Variants in USH2A observed in about 807,000 individuals in gnomAD.
The protein encoded by USH2A is Usher syndrome 2A (autosomal recessive, mild).
In USH2A, 443 loss-of-function variants were observed where a neutral mutation model predicts 538.9. The ratio of observed to expected loss-of-function variants is 0.82; its 90% confidence interval spans 0.76 to 0.89. The LOEUF (loss-of-function observed/expected upper bound fraction) is 0.89. Among genes scored for constraint, USH2A ranks in the 40% least tolerant of loss-of-function variants. USH2A has a pLI of 0.00. For synonymous variants in USH2A, 2,413 were observed against 2,273.5 expected (o/e 1.06, Z -1.75); for missense variants, 6,633 against 6,324.8 (o/e 1.05, Z -1.65).
At chr1:216,095,585 C>T (rs74143944) in intron 22 of USH2A, among the ~76,000 whole-genome samples, 6,631 of 152,128 alleles carry the variant, frequency 0.044, 478 homozygotes, top group African/African-American at 0.15. Context: ...TACTAGGGGA[C>T]GCTCAGAAAT....
At chr1:215,691,964 C>T (rs1658628047) in intron 61 of USH2A, among the ~76,000 whole-genome samples, 1 of 152,114 alleles carries the variant, frequency 6.6e-6, no homozygotes, top group Admixed American at 6.6e-5. Context: ...CAGGATGAGG[C>T]TGACTTGGAC....
intron 44 of USH2A, among the ~76,000 whole-genome samples, chr1:215,863,872 C>G (rs1664396240): frequency 6.6e-6 from 1 of 151,986 alleles, no homozygotes; most frequent in African/African-American, 2.4e-5. Flanking sequence ...AAGGAGAGAG[C>G]AAGACCAGGA....
rs1571973049 is a variant in USH2A at position 216,115,185 on chromosome 1, G to A, written c.4628-17972C>T. Among the ~76,000 whole-genome samples the A allele has an allele frequency of 3.3e-5, 5 of 152,124 alleles. No homozygotes were observed. In the South Asian group the frequency reaches 1.0e-3, roughly 31 times the overall value. ...TCTTTCTCTGTTGTAAGGCTTGAGT[G>A]TAGTGGCGTGATCATAGCTCACTGC... On this transcript the variant is annotated intron_variant, in intron 21 of 71. Coordinates refer to ENST00000307340, the MANE Select transcript of USH2A (RefSeq NM_206933.4).
intron 58 of USH2A, among the ~76,000 whole-genome samples, chr1:215,757,037 T>C (rs529834473): frequency 6.6e-6 from 1 of 152,306 alleles, no homozygotes; most frequent in South Asian, 2.1e-4. Context: ...GCAGAAGATA[T>C]GTCTTTTCCT....
intron 49 of USH2A, among the ~76,000 whole-genome samples, chr1:215,804,345 G>C (rs943377117): frequency 6.6e-6 from 1 of 151,998 alleles, no homozygotes; most frequent in Non-Finnish European, 1.5e-5. Context: ...GAGTGAACAG[G>C]CAACCTACAG....
At chr1:216,001,428 G>A (rs1273138352) in intron 32 of USH2A, among the ~76,000 whole-genome samples, 1 of 152,030 alleles carries the variant, frequency 6.6e-6, no homozygotes, top group Non-Finnish European at 1.5e-5. Context: ...TATATTGTCT[G>A]TCTTTCTAAT....
Position 216,325,430 on chromosome 1 carries a change from G to A in USH2A, c.1018C>T (p.His340Tyr), listed in dbSNP as rs753579610. 12 of 1,613,904 alleles carry A rather than the reference G, an allele frequency of 7.4e-6. No individual in the cohort carries two copies. The change falls in exon 6 of 72, where the codon CAT becomes TAT. Residue 340 changes from histidine to tyrosine, a missense_variant. By Grantham distance (83) the His-to-Tyr change is moderately conservative. Coordinates refer to ENST00000307340, the MANE Select transcript of USH2A (RefSeq NM_206933.4). ...NRVSRLNPEA[H>Y]PLSFVNDNDV... Reference sequence around the variant, plus strand: ...TTATCATTGACAAAAGAGAGAGGATGGGCTTCAGGATTCAACCGTGACACT... The same window carrying A: ...TTATCATTGACAAAAGAGAGAGGATAGGCTTCAGGATTCAACCGTGACACT...
Position 215,640,751 on chromosome 1 carries a change from G to A in USH2A, c.14792-17C>T. 1 of 1,505,186 alleles carries A rather than the reference G, an allele frequency of 6.6e-7. No homozygotes were observed. The highest frequency in any genetic ancestry group is 9.0e-7 in the Non-Finnish European group (1 of 1,115,120). The allele number at this position is 1,505,186 out of a possible 1,614,324, so 93.2% of individuals were successfully genotyped here. A position where few individuals can be genotyped will look rare whatever the true frequency, so the allele number is the denominator to read the frequency against. On this transcript the variant is annotated splice_polypyrimidine_tract_variant and intron_variant, in intron 67 of 71. Transcript: ENST00000307340. ...ACTGAGGCACTGTGGGGAGAAAGTT[G>A]TATGTTCTAAAAAGGGTAACCTCTT...
intron 41 of USH2A, among the ~76,000 whole-genome samples, chr1:215,886,923 T>A (rs1558145344): frequency 6.6e-6 from 1 of 152,160 alleles, no homozygotes; most frequent in Non-Finnish European, 1.5e-5. Context: ...AGTGGCATAA[T>A]CTCGGCTCAC....
At chr1:216,248,702 A>T (rs2036100187) in intron 12 of USH2A, among the ~76,000 whole-genome samples, 1 of 152,140 alleles carries the variant, frequency 6.6e-6, no homozygotes. Flanking sequence ...TGTTAACAAG[A>T]ATTATGACTC....
chr1:215,693,835 G>T (rs1658701800), intron 61 of USH2A, among the ~76,000 whole-genome samples: 1 of 152,124 alleles, frequency 6.6e-6, no homozygotes, highest in South Asian at 2.1e-4. Context: ...CCCTGGCAGA[G>T]CCCCTGAAAG....
In USH2A at chr1:216,097,185, C is replaced by T. The variant is rs764411916; in HGVS notation, c.4656G>A (p.Val1552=). The change falls in exon 22 of 72, where the codon GTG becomes GTA. Residue 1552 remains valine, a synonymous_variant. Coordinates refer to ENST00000307340, the MANE Select transcript of USH2A (RefSeq NM_206933.4). ...TGIKASFRTK[V]PEGLIVFAAS... is the part of the protein sequence containing the mutation. ...CTGCAAAGACAATCAAACCTTCAGGCACTTTTGTTCGAAAGCTGGCCTTAA... is the reference window on the plus strand; with the variant it reads ...CTGCAAAGACAATCAAACCTTCAGGTACTTTTGTTCGAAAGCTGGCCTTAA... The T allele has an allele frequency of 6.2e-7, 1 of 1,614,024 alleles. No homozygotes were observed. Among genetic ancestry groups the T allele is most frequent in the Non-Finnish European group, 8.5e-7 (1 of 1,180,008 alleles).
Position 215,813,780 on chromosome 1 carries a change from G to T in USH2A, c.9695C>A (p.Pro3232Gln), listed in dbSNP as rs774654676. The T allele has an allele frequency of 4.7e-5, 76 of 1,613,776 alleles. No homozygotes were observed. Among genetic ancestry groups the T allele is most frequent in the Non-Finnish European group, 6.3e-5 (74 of 1,179,888 alleles). Residue 3232 changes from proline to glutamine, a missense_variant, in exon 49 of 72, where the codon CCA becomes CAA. Transcript: ENST00000307340. ...CCGGRIQEAQ[P>Q]NHQCCSGYYA... The stretch of plus-strand genomic sequence containing the variant: ...ATACCCAGAGCAGCACTGATGATTT[G>T]GTTGTGCCTCCTGTATTCGGCCACC...
intron 58 of USH2A, among the ~76,000 whole-genome samples, chr1:215,755,224 T>C (rs557025688): frequency 2.0e-5 from 3 of 152,324 alleles, no homozygotes; most frequent in African/African-American, 7.2e-5. Context: ...AGAATCTGTC[T>C]TTACACAAGC....
intron 61 of USH2A, among the ~76,000 whole-genome samples, chr1:215,724,089 T>G (rs927645466): frequency 6.6e-6 from 1 of 151,992 alleles, no homozygotes; most frequent in South Asian, 2.1e-4. Context: ...TATCTATATC[T>G]ATATCTATAT....
chr1:216,232,708 G>T (rs1266895552), intron 13 of USH2A, among the ~76,000 whole-genome samples: 2 of 152,030 alleles, frequency 1.3e-5, no homozygotes, highest in Non-Finnish European at 2.9e-5. Context: ...TATGGATGTT[G>T]CCTCCTAACA....
chr1:216,112,866 T>G (rs529138963), intron 21 of USH2A, among the ~76,000 whole-genome samples: 8 of 152,170 alleles, frequency 5.3e-5, no homozygotes, highest in Non-Finnish European at 1.0e-4. Context: ...TGATGGGCAT[T>G]TAGGTTGATT....
At chr1:215,788,622 T>G (rs549616614) in intron 51 of USH2A, among the ~76,000 whole-genome samples, 1 of 152,142 alleles carries the variant, frequency 6.6e-6, no homozygotes, top group Non-Finnish European at 1.5e-5. Flanking sequence ...TGTCATGAAA[T>G]TTTAGAGGAG....
At chr1:215,798,690 G>A (rs902315120) in intron 50 of USH2A, among the ~76,000 whole-genome samples, 11 of 151,706 alleles carry the variant, frequency 7.3e-5, no homozygotes, top group African/African-American at 2.4e-4. Flanking sequence ...CTTTTCAAGA[G>A]GAAAAAAAAT....
Sources: allele counts gnomAD v4.1 joint callset (sites outside exome capture counted in the v4.1 genomes callset), GRCh38; gene constraint gnomAD v4.1.1; transcripts MANE v1.5; gene names NCBI Gene and HGNC (gene_info 2026-07-23, HGNC 2026-07-21).